NPC2: variants seen among roughly 807,000 people sequenced by gnomAD.
NPC2 encodes the protein Niemann-Pick disease type C2 protein.
Under a neutral mutation model 17.0 loss-of-function variants are expected in NPC2, and 14 were observed. That is an observed-to-expected ratio of 0.82 (90% confidence interval 0.54 to 1.29). The LOEUF is 1.29. NPC2 is among the 50% of genes most tolerant of loss of function. NPC2 has a pLI of 0.00. For missense variants in NPC2, 167 were observed against 183.4 expected (o/e 0.91, Z 0.52); for synonymous variants, 75 against 69.3 (o/e 1.08, Z -0.41).
chr14:74,490,108 G>T (rs1311567504), intron 1 of NPC2, among the ~76,000 whole-genome samples: 1 of 152,214 alleles, frequency 6.6e-6, no homozygotes, highest in African/African-American at 2.4e-5. Context: ...GACTCTTTCT[G>T]TCTCAAAAGT....
Position 74,484,458 on chromosome 14 carries a change from T to C in NPC2, c.320A>G (p.Tyr107Cys). ...INCPIQKDKT[Y>C]SYLNKLPVKS... The stretch of plus-strand genomic sequence containing the variant: ...CACTGGTAGTTTATTCAGGTAGCTA[T>C]AGGTCTTGTCTTTTTGGATAGGGCA... Residue 107 changes from tyrosine (Y) to cysteine (C), a missense_variant, in exon 3 of 5, where the codon TAT becomes TGT. Coordinates refer to ENST00000555619, the MANE Select transcript of NPC2 (RefSeq NM_006432.5). The C allele has an allele frequency of 6.2e-7, 1 of 1,614,138 alleles. No homozygotes were observed. Among genetic ancestry groups the C allele is most frequent in the Non-Finnish European group, 8.5e-7 (1 of 1,180,022 alleles).
chr14:74,487,037 CA>C (rs1164944669), intron 1 of NPC2, among the ~76,000 whole-genome samples: 1 of 151,680 alleles, frequency 6.6e-6, no homozygotes, highest in Non-Finnish European at 1.5e-5. Context: ...CTGCAACCTC[CA>C]CCCCCCGGGT....
At chr14:74,493,361 A>T, upstream of NPC2, 1 of 1,557,354 alleles carries the variant, frequency 6.4e-7, no homozygotes, top group Non-Finnish European at 8.7e-7. This position sits in a 1 kb window ranked among gnomAD's most constrained non-coding sequence, Gnocchi z 4.1. Flanking sequence ...CCCGGGGAGG[A>T]GCCCAGTCAG....
chr14:74,481,452 C>T (rs2086655347), intron 3 of NPC2, among the ~76,000 whole-genome samples: 1 of 152,202 alleles, frequency 6.6e-6, no homozygotes. Context: ...TTAGGTATTC[C>T]TTTACAACAA....
chr14:74,493,195 C>CA lies in NPC2; in HGVS notation c.79dup (p.Cys27LeufsTer42), dbSNP rs767899043. 19 of 1,609,198 alleles carry CA rather than the reference C, an allele frequency of 1.2e-5. No individual in the cohort carries two copies. The highest frequency in any genetic ancestry group is 1.6e-5 in the Non-Finnish European group (19 of 1,178,528). On this transcript the variant is annotated frameshift_variant, in exon 1 of 5. Coordinates refer to ENST00000555619, the MANE Select transcript of NPC2 (RefSeq NM_006432.5). LOFTEE classifies it high-confidence loss of function. The surrounding 1 kb of genome is among the most constrained non-coding windows in gnomAD (Gnocchi z 4.1). ...CCTTGGGCGGGCCTGGGGCTCACCG[C>CA]AGTCCTTGAACTGCACCGGTTCGGC...
intron 1 of NPC2, among the ~76,000 whole-genome samples, chr14:74,488,990 T>C (rs2086742269): frequency 6.6e-6 from 1 of 152,228 alleles, no homozygotes; most frequent in South Asian, 2.1e-4. Flanking sequence ...TCATGAAATA[T>C]TTTGGCTCCA....
chr14:74,490,763 G>A (rs2086762940), intron 1 of NPC2, among the ~76,000 whole-genome samples: 1 of 152,152 alleles, frequency 6.6e-6, no homozygotes, highest in African/African-American at 2.4e-5. Flanking sequence ...GTGTAGAGTG[G>A]AACACAAAAA....
At chr14:74,492,421 G>A (rs977373902) in intron 1 of NPC2, among the ~76,000 whole-genome samples, 2 of 152,168 alleles carry the variant, frequency 1.3e-5, no homozygotes, top group African/African-American at 2.4e-5. Flanking sequence ...TTGATTATAC[G>A]ATCTCCGTGC....
intron 3 of NPC2, 152 bp from the exon 4 acceptor site, chr14:74,480,931 G>T: frequency 1.3e-6 from 1 of 762,022 alleles, no homozygotes; most frequent in South Asian, 1.4e-5. Flanking sequence ...TAGCATGTGG[G>T]CACAGCTTAC....
At position 74,484,584 on chromosome 14, in the gene NPC2, A is replaced by C. The variant is rs755819257; in HGVS notation, c.194T>G (p.Ile65Ser). 2.5e-6 allele frequency: 4 copies of C among 1,613,964 alleles called. No homozygotes were observed. The highest frequency in any genetic ancestry group is 2.5e-6 in the Non-Finnish European group (3 of 1,180,014). Residue 65 changes from isoleucine to serine, a missense_variant, in exon 3 of 5, where the codon ATT becomes AGT. Coordinates refer to ENST00000555619, the MANE Select transcript of NPC2 (RefSeq NM_006432.5). ...YSVNVTFTSN[I>S]QSKSSKAVVH... is the part of the protein sequence containing the mutation. ...CACGGCCTTGCTGCTTTTAGACTGA[A>C]TATCTAAGAGAAAAAAAGAGAATCA...
In NPC2 at chr14:74,480,781, T is replaced by C. The variant is rs777654308; in HGVS notation, c.364-2A>G. ...TTGCCACTCCACCACCAGTTTTATCTGGAGAAAGAGAAAAATAATTGAGAA... is the reference window on the plus strand; with the variant it reads ...TTGCCACTCCACCACCAGTTTTATCCGGAGAAAGAGAAAAATAATTGAGAA... On this transcript the variant is annotated splice_acceptor_variant, in intron 3 of 4. Transcript: ENST00000555619. LOFTEE classifies it high-confidence loss of function. The C allele has an allele frequency of 3.1e-6, 5 of 1,612,384 alleles. No individual in the cohort carries two copies. The highest frequency in any genetic ancestry group is 1.7e-4 in the Middle Eastern group (1 of 6,060).
At position 74,480,768 on chromosome 14, in the gene NPC2, C is replaced by T. The variant is rs2139664539; in HGVS notation, c.375G>A (p.Val125=). ...VKSEYPSIKL[V]VEWQLQDDKN... ...TGTCATCCTGAAGTTGCCACTCCACCACCAGTTTTATCTGGAGAAAGAGAA... is the reference window on the plus strand; with the variant it reads ...TGTCATCCTGAAGTTGCCACTCCACTACCAGTTTTATCTGGAGAAAGAGAA... The change falls in exon 4 of 5, where the codon GTG becomes GTA. Residue 125 remains valine, a synonymous_variant. Transcript: ENST00000555619. 1 of 1,613,638 alleles carries T rather than the reference C, an allele frequency of 6.2e-7. No individual in the cohort carries two copies. Among genetic ancestry groups the T allele is most frequent in the Non-Finnish European group, 8.5e-7 (1 of 1,179,582 alleles).
At chr14:74,489,880 G>A (rs991687817) in intron 1 of NPC2, among the ~76,000 whole-genome samples, 1 of 152,224 alleles carries the variant, frequency 6.6e-6, no homozygotes, top group Non-Finnish European at 1.5e-5. Flanking sequence ...GGAGATAATG[G>A]TGTAGCTGAG....
intron 2 of NPC2, 28 bp downstream of exon 2, chr14:74,486,301 A>G (rs1459617733): frequency 3.9e-6 from 6 of 1,538,418 alleles, no homozygotes; most frequent in African/African-American, 1.4e-5. Flanking sequence ...TGTAACATGA[A>G]TTTGAGTTAA....
chr14:74,484,684 A>T, intron 2 of NPC2, 97 bp from the exon 3 acceptor site: 1 of 1,126,950 alleles, frequency 8.9e-7, no homozygotes, highest in African/African-American at 1.7e-5. Flanking sequence ...CAGCATTCCT[A>T]GGGTCTATTT....
At chr14:74,484,028 G>A (rs2086682923) in intron 3 of NPC2, among the ~76,000 whole-genome samples, 1 of 151,884 alleles carries the variant, frequency 6.6e-6, no homozygotes, top group Non-Finnish European at 1.5e-5. Flanking sequence ...TCTTTTATAG[G>A]AAAAAAACTG....
At chr14:74,487,244 C>T (rs2086722185) in intron 1 of NPC2, among the ~76,000 whole-genome samples, 1 of 150,512 alleles carries the variant, frequency 6.6e-6, no homozygotes, top group Non-Finnish European at 1.5e-5. Context: ...TCATTGCACC[C>T]TCCCTGTTTT....
intron 2 of NPC2, 71 bp downstream of exon 2, chr14:74,486,258 T>C (rs2086711398): frequency 7.6e-7 from 1 of 1,319,306 alleles, no homozygotes; most frequent in Non-Finnish European, 1.1e-6. Context: ...TCCATTCCCA[T>C]GCTTATTCCA....
chr14:74,484,681 C>A lies in NPC2; in HGVS notation c.191-94G>T, dbSNP rs545650076. 34 of 1,297,356 alleles carry A rather than the reference C, an allele frequency of 2.6e-5. 1 individual carries two copies. In the South Asian group the frequency reaches 4.1e-4, roughly 16 times the overall value. 80.4% of individuals were successfully genotyped at this position (1,297,356 alleles called of 1,614,324 possible). On this transcript the variant is annotated intron_variant, in intron 2 of 4. Coordinates refer to ENST00000555619, the MANE Select transcript of NPC2 (RefSeq NM_006432.5). ...AGAAATAATCCCAAGCAACAGCATT[C>A]CTAGGGTCTATTTCTCTTGATAGTG...
Sources: allele counts gnomAD v4.1 joint callset (sites outside exome capture counted in the v4.1 genomes callset), GRCh38; gene constraint gnomAD v4.1.1; non-coding constraint Gnocchi (gnomAD v3.1); transcripts MANE v1.5; gene names NCBI Gene and HGNC (gene_info 2026-07-23, HGNC 2026-07-21).